GRM7: variants seen among roughly 807,000 people sequenced by gnomAD.
GRM7 encodes glutamate metabotropic receptor 7, also known as metabotropic glutamate receptor 7.
Under a neutral mutation model 84.5 loss-of-function variants are expected in GRM7, and 35 were observed. That is an observed-to-expected ratio of 0.41 (90% confidence interval 0.32 to 0.55). The LOEUF (loss-of-function observed/expected upper bound fraction) is 0.55, where lower values mean the gene tolerates loss of function less well. Among genes scored for constraint, GRM7 ranks in the 20% least tolerant of loss-of-function variants. The pLI, the probability that GRM7 is intolerant of heterozygous loss-of-function variation, is 0.19. For missense variants in GRM7, 1,003 were observed against 1,194.6 expected (o/e 0.84, Z 2.36); for synonymous variants, 487 against 455.1 (o/e 1.07, Z -0.89).
At chr3:7,352,040 TCACACACACACACACAC>T (rs1559258701) in intron 4 of GRM7, among the ~76,000 whole-genome samples, 1 of 132,120 alleles carries the variant, frequency 7.6e-6, no homozygotes, top group African/African-American at 2.9e-5. Context: ...TCTCTCTCTC[TCACACACACACACACAC>T]CACACACACA....
At chr3:6,948,610 T>TG (rs753416061) in intron 1 of GRM7, among the ~76,000 whole-genome samples, 20 of 152,190 alleles carry the variant, frequency 1.3e-4, no homozygotes, top group Admixed American at 3.9e-4. Context: ...TGTATATCCT[T>TG]GTTAACTTTC....
At chr3:7,028,501 C>T (rs1696063271) in intron 1 of GRM7, among the ~76,000 whole-genome samples, 1 of 152,184 alleles carries the variant, frequency 6.6e-6, no homozygotes, top group African/African-American at 2.4e-5. Flanking sequence ...TCTGAACTCA[C>T]TTCTAGCTAA....
intron 7 of GRM7, among the ~76,000 whole-genome samples, chr3:7,569,102 G>C (rs1694505964): frequency 6.6e-6 from 1 of 152,164 alleles, no homozygotes; most frequent in East Asian, 1.9e-4. Flanking sequence ...TCTAGCTAAG[G>C]GATTGTAAAT....
At chr3:7,257,019 T>A (rs550167021) in intron 2 of GRM7, among the ~76,000 whole-genome samples, 1 of 152,318 alleles carries the variant, frequency 6.6e-6, no homozygotes, top group South Asian at 2.1e-4. Context: ...GGCTCAGAAG[T>A]GAAAGTGGGG....
intron 1 of GRM7, among the ~76,000 whole-genome samples, chr3:7,095,466 G>T (rs1366505259): frequency 6.6e-6 from 1 of 152,038 alleles, no homozygotes; most frequent in Non-Finnish European, 1.5e-5. Context: ...CCGTTGCCTT[G>T]AATGTTTATT....
chr3:7,725,293 A>T (rs170626), intron 9 of GRM7, among the ~76,000 whole-genome samples: 1 of 151,844 alleles, frequency 6.6e-6, no homozygotes. Context: ...ATATCTTGGG[A>T]AAAAAAATTC....
At chr3:7,621,438 C>G (rs971545495) in intron 8 of GRM7, among the ~76,000 whole-genome samples, 4 of 151,978 alleles carry the variant, frequency 2.6e-5, no homozygotes, top group African/African-American at 9.7e-5. Context: ...AAACGTGGAC[C>G]CTGCCAAAAG....
chr3:7,267,994 G>A (rs1425477098), intron 2 of GRM7, among the ~76,000 whole-genome samples: 19 of 152,052 alleles, frequency 1.2e-4, no homozygotes, highest in Admixed American at 1.2e-3. Flanking sequence ...GCACCTTGCT[G>A]CTCTGCACTG....
chr3:7,267,580 G>A (rs56186280), intron 2 of GRM7, among the ~76,000 whole-genome samples: 2,407 of 152,284 alleles, frequency 0.016, 59 homozygotes, highest in African/African-American at 0.055. Context: ...CTTGCAGCCC[G>A]GAGTGCCAAT....
At chr3:7,419,507 G>A (rs868496448) in intron 5 of GRM7, among the ~76,000 whole-genome samples, 11 of 152,054 alleles carry the variant, frequency 7.2e-5, no homozygotes, top group African/African-American at 1.9e-4. Flanking sequence ...ATCTTCTTCC[G>A]AGAAGCTGTA....
In GRM7 at chr3:6,944,724, G is replaced by A. The variant is rs139513288; in HGVS notation, c.519+82817G>A. On this transcript the variant is annotated intron_variant, in intron 1 of 9. Transcript: ENST00000357716. The stretch of plus-strand genomic sequence containing the variant: ...GCTGGGAAGGATTTGCCCTCCTCAC[G>A]TTTTCGAACTTCATGTTGAATTGAT... Among the ~76,000 whole-genome samples the A allele has an allele frequency of 2.6e-3, 395 of 152,130 alleles. 1 individual carries two copies. The highest frequency in any genetic ancestry group is 9.1e-3 in the African/African-American group (376 of 41,514).
At chr3:6,907,698 G>A (rs1324812597) in intron 1 of GRM7, among the ~76,000 whole-genome samples, 3 of 152,044 alleles carry the variant, frequency 2.0e-5, no homozygotes, top group Non-Finnish European at 2.9e-5. Context: ...AAGGAACCAC[G>A]GAGAGAGAAA....
intron 7 of GRM7, among the ~76,000 whole-genome samples, chr3:7,477,126 T>C (rs1698951773): frequency 6.6e-6 from 1 of 152,166 alleles, no homozygotes; most frequent in Non-Finnish European, 1.5e-5. Context: ...TCTTATTTGG[T>C]ACTAACTTTT....
chr3:7,636,305 G>C (rs985740322), intron 8 of GRM7: 3 of 456,492 alleles, frequency 6.6e-6, no homozygotes, highest in Admixed American at 2.3e-5. Flanking sequence ...AGCAATGACT[G>C]TTCTTGTTAT....
At chr3:7,595,091 A>G (rs1044815164) in intron 8 of GRM7, among the ~76,000 whole-genome samples, 1 of 152,216 alleles carries the variant, frequency 6.6e-6, no homozygotes, top group Non-Finnish European at 1.5e-5. Context: ...ATGTATTTAC[A>G]AATATCGACT....
At chr3:7,500,825 C>T (rs753690706) in intron 7 of GRM7, among the ~76,000 whole-genome samples, 4 of 152,160 alleles carry the variant, frequency 2.6e-5, no homozygotes, top group South Asian at 2.1e-4. Context: ...ATGTGACAGA[C>T]GTGCACTGGG....
chr3:7,415,535 C>T (rs1205966068), intron 5 of GRM7, among the ~76,000 whole-genome samples: 2 of 152,072 alleles, frequency 1.3e-5, no homozygotes, highest in African/African-American at 4.8e-5. Context: ...GGACAGTATA[C>T]TTGATTAAGG....
At chr3:7,740,272 A>G in intron 9 of GRM7, 85 bp from the exon 10 acceptor site, 1 of 855,470 alleles carries the variant, frequency 1.2e-6, no homozygotes, top group East Asian at 2.6e-5. Flanking sequence ...TTGACTTTGC[A>G]CCTCAAGTGA....
chr3:7,397,842 G>A (rs1378909250), intron 4 of GRM7, among the ~76,000 whole-genome samples: 1 of 152,010 alleles, frequency 6.6e-6, no homozygotes, highest in Non-Finnish European at 1.5e-5. Flanking sequence ...TCTAGTAGGT[G>A]GAGGCCAGAA....
Sources: allele counts gnomAD v4.1 joint callset (sites outside exome capture counted in the v4.1 genomes callset), GRCh38; gene constraint gnomAD v4.1.1; transcripts MANE v1.5; gene names NCBI Gene and HGNC (gene_info 2026-07-23, HGNC 2026-07-21).